The following SLC39A10 variants were observed in gnomAD, a reference collection of about 807,000 sequenced individuals.
SLC39A10 encodes solute carrier family 39 member 10.
Under a neutral mutation model 65.1 loss-of-function variants are expected in SLC39A10, and 13 were observed. The ratio of observed to expected loss-of-function variants is 0.20; its 90% CI spans 0.13 to 0.32. The LOEUF is 0.32. Ranked by LOEUF, SLC39A10 falls within the 10% of genes least tolerant of loss-of-function variation. The pLI is 1.00. For missense variants in SLC39A10, 831 were observed against 1,018.4 expected (o/e 0.82, Z 2.50); for synonymous variants, 321 against 342.2 (o/e 0.94, Z 0.68).
At position 195,639,418 on chromosome 2, in the gene SLC39A10, A is replaced by G. The variant is rs542572938; in HGVS notation, c.-12+33185A>G. Among the ~76,000 whole-genome samples, 759 of 152,282 alleles carry G rather than the reference A, an allele frequency of 5.0e-3. 9 individuals carry two copies. Among genetic ancestry groups the G allele is most frequent in the African/African-American group, 0.017 (709 of 41,548 alleles). On this transcript the variant is annotated intron_variant, in intron 2 of 2. Coordinates refer to the SLC39A10 transcript ENST00000458054. ...CTATCTCCTAGCAACATGATTTATC[A>G]TTGTTGATGTTGACCTTGATCTTTT... is the stretch of plus-strand genomic sequence containing the variant.
intron 1 of SLC39A10, among the ~76,000 whole-genome samples, chr2:195,663,984 A>G (rs1269757475): frequency 6.6e-6 from 1 of 152,088 alleles, no homozygotes. Flanking sequence ...AATAAAGTGA[A>G]TAATTGAATG....
rs1247666566 is a variant in SLC39A10, at chr2:195,706,635, T to G, written c.1236T>G (p.Ile412Met). The change falls in exon 4 of 10, where the codon ATT (isoleucine) becomes ATG (methionine). Residue 412 changes from isoleucine to methionine, a missense_variant. Transcript: ENST00000359634. ...CTACAGCCTGGATTTGTGGTATCAT[T>G]TCTATCACTGTCATTAGCCTGCTTT... is the stretch of plus-strand genomic sequence containing the variant. ...IGASAWICGI[I>M]SITVISLLSL... 2 of 1,612,318 alleles carry G rather than the reference T, an allele frequency of 1.2e-6. No homozygotes were observed. The highest frequency in any genetic ancestry group is 2.2e-5 in the South Asian group (2 of 90,966).
At chr2:195,637,315 G>A (rs1482852971) in intron 2 of SLC39A10, among the ~76,000 whole-genome samples, 1 of 152,202 alleles carries the variant, frequency 6.6e-6, no homozygotes, top group Admixed American at 6.5e-5. Flanking sequence ...TCTCTGGCCT[G>A]CCTGTCAGAA....
chr2:195,613,236 T>C (rs1038849932), intron 2 of SLC39A10, among the ~76,000 whole-genome samples: 5 of 152,176 alleles, frequency 3.3e-5, no homozygotes, highest in African/African-American at 9.7e-5. Flanking sequence ...TTCTCGGAGA[T>C]GCCTTTCTTC....
intron 7 of SLC39A10, chr2:195,717,333 A>T (rs1691853147): frequency 5.2e-6 from 1 of 193,438 alleles, no homozygotes; most frequent in African/African-American, 2.3e-5. Context: ...GTTTAATTTC[A>T]ATCCTAGGTT....
intron 9 of SLC39A10, among the ~76,000 whole-genome samples, chr2:195,733,077 G>A (rs1449790361): frequency 1.3e-5 from 2 of 152,176 alleles, no homozygotes; most frequent in South Asian, 2.1e-4. Context: ...CCATAGCACT[G>A]TCAGAGCATG....
chr2:195,662,628 G>T (rs1375585905), intron 1 of SLC39A10, among the ~76,000 whole-genome samples: 1 of 151,974 alleles, frequency 6.6e-6, no homozygotes, highest in East Asian at 1.9e-4. Context: ...GATATTCCTT[G>T]CCTTCCCACC....
At chr2:195,646,989 T>A (rs11680133) in intron 2 of SLC39A10, among the ~76,000 whole-genome samples, 87,802 of 151,938 alleles carry the variant, frequency 0.58, 26,370 homozygotes, top group Non-Finnish European at 0.68. Flanking sequence ...TTATTCAGCA[T>A]CATTTTATCT....
intron 3 of SLC39A10, among the ~76,000 whole-genome samples, chr2:195,695,758 CTT>C (rs1263112961): frequency 1.3e-5 from 2 of 152,184 alleles, no homozygotes; most frequent in Non-Finnish European, 2.9e-5. Context: ...CCGTAATTGT[CTT>C]TTGATGCACA....
intron 3 of SLC39A10, among the ~76,000 whole-genome samples, chr2:195,705,681 T>G (rs185453064): frequency 6.6e-5 from 10 of 152,312 alleles, no homozygotes; most frequent in Admixed American, 5.9e-4. Context: ...TTAAAATCTT[T>G]ATAAAATTAT....
In SLC39A10 at chr2:195,680,624, C is replaced by T; in HGVS notation, c.582C>T (p.His194=). 6.2e-7 allele frequency: 1 copy of T among 1,614,104 alleles called. No individual in the cohort carries two copies. Among genetic ancestry groups the T allele is most frequent in the Non-Finnish European group, 8.5e-7 (1 of 1,180,030 alleles). Residue 194 remains histidine (H), a synonymous_variant, in exon 2 of 10, where the codon CAC becomes CAT. Coordinates refer to ENST00000359634, the MANE Select transcript of SLC39A10 (RefSeq NM_020342.3). ...ATCATCTTGATCATAACAACACTCA[C>T]CATTTTCATAATGATTCCATTACTC... ...LHHHLDHNNT[H]HFHNDSITPS... is the part of the protein sequence containing the mutation.
At position 195,735,003 on chromosome 2, in the gene SLC39A10, C is replaced by T; in HGVS notation, c.2458C>T (p.Leu820Phe). The T allele has an allele frequency of 1.2e-6, 2 of 1,611,652 alleles. No individual in the cohort carries two copies. Among genetic ancestry groups the T allele is most frequent in the Non-Finnish European group, 1.7e-6 (2 of 1,179,376 alleles). Residue 820 changes from leucine to phenylalanine, a missense_variant, in exon 10 of 10, where the codon CTC (leucine) becomes TTC (phenylalanine). By Grantham distance (22) the Leu-to-Phe change is conservative. This residue lies in a region of SLC39A10 where 120 missense variants were observed against 203.9 expected (regional missense o/e 0.59). Transcript: ENST00000359634. The stretch of plus-strand genomic sequence containing the variant: ...ATTTGCCATTATGCTGGTGATTGCC[C>T]TCTATGAAGATAAAATTGTGTTTGA... ...FGFAIMLVIA[L>F]YEDKIVFDIQ...
chr2:195,613,145 C>G (rs546600489), intron 2 of SLC39A10, among the ~76,000 whole-genome samples: 10 of 152,238 alleles, frequency 6.6e-5, no homozygotes, highest in Admixed American at 2.0e-4. Flanking sequence ...GGACCATCAA[C>G]AATGTTCTCT....
chr2:195,684,771 G>A lies in SLC39A10; in HGVS notation c.1216+865G>A, dbSNP rs944459498. ...TTGAAATAACTTCATAACCTTCCCT[G>A]CCTGTGTTCTTGTCCCCTTGCAAGA... On this transcript the variant is annotated intron_variant, in intron 3 of 9. Transcript: ENST00000359634. Among the ~76,000 whole-genome samples the A allele has an allele frequency of 6.6e-5, 10 of 152,076 alleles. No individual in the cohort carries two copies. The East Asian group carries it at 1.9e-3, about 29-fold the overall frequency.
At chr2:195,724,527 T>C (rs1401108073) in intron 8 of SLC39A10, among the ~76,000 whole-genome samples, 6 of 152,200 alleles carry the variant, frequency 3.9e-5, no homozygotes, top group Non-Finnish European at 8.8e-5. Context: ...AAAAATCATT[T>C]GTATTGCTAT....
chr2:195,727,858 G>A (rs62203613), intron 8 of SLC39A10, among the ~76,000 whole-genome samples: 1 of 152,000 alleles, frequency 6.6e-6, no homozygotes, highest in Non-Finnish European at 1.5e-5. Context: ...CTTTAGAGTC[G>A]CAGCTCTCCA....
chr2:195,687,269 A>G (rs1371436729), intron 3 of SLC39A10, among the ~76,000 whole-genome samples: 1 of 152,172 alleles, frequency 6.6e-6, no homozygotes, highest in Non-Finnish European at 1.5e-5. Flanking sequence ...CCTTACAGAG[A>G]AAAATGGAGA....
chr2:195,624,513 T>G (rs1251631768), intron 2 of SLC39A10, among the ~76,000 whole-genome samples: 1 of 150,608 alleles, frequency 6.6e-6, no homozygotes, highest in Non-Finnish European at 1.5e-5. Context: ...TGTTTCCAGG[T>G]ATTAAAGATA....
At chr2:195,687,630 C>G (rs1690576555) in intron 3 of SLC39A10, among the ~76,000 whole-genome samples, 1 of 152,124 alleles carries the variant, frequency 6.6e-6, no homozygotes, top group East Asian at 1.9e-4. Flanking sequence ...CTGATAGATG[C>G]TAATAATTGT....
Sources: allele counts gnomAD v4.1 joint callset (sites outside exome capture counted in the v4.1 genomes callset), GRCh38; gene constraint gnomAD v4.1.1; regional missense constraint gnomAD v4.1.1; transcripts MANE v1.5; gene names NCBI Gene and HGNC (gene_info 2026-07-23, HGNC 2026-07-21).